Variants in FRMPD4 observed in about 807,000 individuals in gnomAD.
The protein encoded by FRMPD4 is FERM and PDZ domain containing 4, also known as FERM and PDZ domain-containing protein 4.
In FRMPD4, 22 loss-of-function variants were observed where a neutral mutation model predicts 94.1. The observed-to-expected ratio is 0.23, with a 90% CI of 0.17 to 0.33. FRMPD4 has a LOEUF of 0.33. Ranked by LOEUF, FRMPD4 falls within the 10% of genes least tolerant of loss-of-function variation. The pLI is 1.00. For synonymous variants in FRMPD4, 631 were observed against 548.6 expected (o/e 1.15, Z -2.10); for missense variants, 1,111 against 1,339.9 (o/e 0.83, Z 2.67).
Position 12,718,387 on chromosome X carries a change from G to C in FRMPD4, c.3561G>C (p.Val1187=), listed in dbSNP as rs1456628864. The change falls in exon 16 of 17, where the codon GTG becomes GTC. Residue 1187 remains valine, a synonymous_variant. Transcript: ENST00000675598. The stretch of plus-strand genomic sequence containing the variant: ...AGCTTCCTGAGGCTGATGAGAGTGT[G>C]GCCCGCCTTTGTGACTACCACTTGG... The part of the protein sequence containing the change: ...PSKLPEADES[V]ARLCDYHLAK... 1 of 1,211,883 alleles carries C rather than the reference G, an allele frequency of 8.3e-7. No homozygotes were observed.
intron 1 of FRMPD4, among the ~76,000 whole-genome samples, chrX:12,361,178 T>A: frequency 8.9e-6 from 1 of 112,207 alleles, no homozygotes. Context: ...ACTGGTTATT[T>A]CTTGAACTAT....
rs1209278069 is a variant in FRMPD4 at position 12,236,251 on chromosome X, A to G, written c.41+97239A>G. On this transcript the variant is annotated intron_variant, in intron 1 of 16. Coordinates refer to ENST00000675598, the MANE Select transcript of FRMPD4 (RefSeq NM_001368397.1). ...CCATATCTGTAAAATCAGCATTATC[A>G]AACCATACAGTGTTATCTGAGACTC... 4.5e-5 allele frequency among the ~76,000 whole-genome samples: 5 copies of G among 112,106 alleles called. 1 individual carries two copies. Among genetic ancestry groups the G allele is most frequent in the Admixed American group, 1.9e-4 (2 of 10,554 alleles).
intron 3 of FRMPD4, among the ~76,000 whole-genome samples, chrX:12,028,040 A>T (rs986865230): frequency 1.8e-5 from 2 of 112,144 alleles, no homozygotes; most frequent in Admixed American, 9.5e-5. Context: ...GGCTTAAAAA[A>T]CATGCAGTTT....
At chrX:12,004,575 A>G (rs1053754526) in intron 3 of FRMPD4, among the ~76,000 whole-genome samples, 25 of 111,687 alleles carry the variant, frequency 2.2e-4, no homozygotes, top group African/African-American at 7.8e-4. Context: ...TAAAAATAGG[A>G]ACAAATTGGA....
At chrX:12,324,392 T>C (rs954750378) in intron 1 of FRMPD4, among the ~76,000 whole-genome samples, 6 of 112,579 alleles carry the variant, frequency 5.3e-5, no homozygotes. Context: ...CTTTACCTAA[T>C]TCTTTGTTCA....
chrX:11,958,691 ACCAC>A (rs775482672), intron 3 of FRMPD4, among the ~76,000 whole-genome samples: 98 of 112,005 alleles, frequency 8.7e-4, no homozygotes, highest in African/African-American at 3.1e-3. Context: ...CAAACCAATG[ACCAC>A]CTCTAAATTT....
intron 1 of FRMPD4, among the ~76,000 whole-genome samples, chrX:12,220,152 GCAA>G (rs3063515): frequency 5.8e-4 from 62 of 106,526 alleles, no homozygotes; most frequent in East Asian, 3.0e-3. Context: ...AACAACAACA[GCAA>G]CAACAACAAC....
chrX:12,421,039 A>G (rs2056876380), intron 1 of FRMPD4, among the ~76,000 whole-genome samples: 2 of 112,381 alleles, frequency 1.8e-5, no homozygotes, highest in Admixed American at 9.4e-5. Flanking sequence ...TATAGCATTT[A>G]TAGGTGTTCG....
intron 1 of FRMPD4, among the ~76,000 whole-genome samples, chrX:12,449,777 C>T (rs1305732515): frequency 1.8e-5 from 2 of 110,892 alleles, no homozygotes; most frequent in Non-Finnish European, 3.8e-5. Flanking sequence ...CACTTGAGCC[C>T]AGGAGTTTGA....
chrX:12,174,600 C>G (rs1211053588), intron 1 of FRMPD4, among the ~76,000 whole-genome samples: 2 of 112,080 alleles, frequency 1.8e-5, no homozygotes, highest in African/African-American at 6.5e-5. Context: ...TTGTGCTACT[C>G]TAGCAAACCA....
At chrX:12,539,001 G>C (rs963380331) in intron 2 of FRMPD4, among the ~76,000 whole-genome samples, 1 of 111,853 alleles carries the variant, frequency 8.9e-6, no homozygotes, top group African/African-American at 3.2e-5. Flanking sequence ...GCTAAAGGAG[G>C]AAGTTCAAAC....
At position 12,095,369 on chromosome X, in the gene FRMPD4, C is replaced by G. The variant is rs1182215776; in HGVS notation, c.95+217351C>G. On this transcript the variant is annotated intron_variant, in intron 3 of 18. Coordinates refer to the FRMPD4 transcript ENST00000640291. The stretch of plus-strand genomic sequence containing the variant: ...CTCCAGCCTGGGTGAGAGTAAGACT[C>G]TCTGTCTCAAAAAAAAAAAAAAAAT... 2.3e-4 allele frequency among the ~76,000 whole-genome samples: 22 copies of G among 97,455 alleles called. 1 individual carries two copies. The highest frequency in any genetic ancestry group is 1.8e-4 in the Non-Finnish European group (9 of 49,833). The allele number at this position is 97,455 out of a possible 115,157, so 84.6% of individuals were successfully genotyped here.
intron 3 of FRMPD4, among the ~76,000 whole-genome samples, chrX:12,010,146 C>T (rs868797033): frequency 1.8e-4 from 20 of 111,421 alleles, no homozygotes; most frequent in Non-Finnish European, 2.8e-4. Context: ...AGTTTTTTAC[C>T]TCCTGAGTAG....
chrX:12,422,953 A>C (rs1291690697), intron 1 of FRMPD4, among the ~76,000 whole-genome samples: 1 of 111,261 alleles, frequency 9.0e-6, no homozygotes, highest in African/African-American at 3.3e-5. Flanking sequence ...AGTAGACCGC[A>C]TATGTCATGT....
At chrX:12,224,455 G>T (rs769667167) in intron 1 of FRMPD4, among the ~76,000 whole-genome samples, 1 of 110,748 alleles carries the variant, frequency 9.0e-6, no homozygotes, top group Admixed American at 9.6e-5. Context: ...TTGCCATGTT[G>T]CCCAGCCTGG....
chrX:11,970,088 T>C (rs376909431), intron 3 of FRMPD4, among the ~76,000 whole-genome samples: 1 of 111,828 alleles, frequency 8.9e-6, no homozygotes, highest in South Asian at 3.8e-4. Flanking sequence ...TTATGATGCC[T>C]ATTGGCACCA....
At chrX:12,583,135 C>T (rs763159449) in intron 2 of FRMPD4, among the ~76,000 whole-genome samples, 3 of 112,458 alleles carry the variant, frequency 2.7e-5, no homozygotes, top group Non-Finnish European at 5.6e-5. Context: ...GCCACCACCT[C>T]TATTACTAAT....
intron 1 of FRMPD4, among the ~76,000 whole-genome samples, chrX:12,452,023 T>G (rs1480734750): frequency 3.6e-5 from 4 of 110,651 alleles, no homozygotes; most frequent in African/African-American, 1.3e-4. Flanking sequence ...TGTATAATTA[T>G]CTCAGTAGAA....
Position 12,206,422 on chromosome X carries a change from C to A in FRMPD4, c.41+67410C>A, listed in dbSNP as rs144486618. On this transcript the variant is annotated intron_variant, in intron 1 of 16. Coordinates refer to ENST00000675598, the MANE Select transcript of FRMPD4 (RefSeq NM_001368397.1). ...TCCCAAGTCATGAGGCAGAGCCAAC[C>A]CTACTGTAGAATCTAAAGATGACAC... Among the ~76,000 whole-genome samples the A allele has an allele frequency of 3.0e-3, 332 of 111,676 alleles. 2 individuals carry two copies. Among genetic ancestry groups the A allele is most frequent in the African/African-American group, 0.01 (322 of 30,788 alleles).
Sources: allele counts gnomAD v4.1 joint callset (sites outside exome capture counted in the v4.1 genomes callset), GRCh38; gene constraint gnomAD v4.1.1; transcripts MANE v1.5; gene names NCBI Gene and HGNC (gene_info 2026-07-23, HGNC 2026-07-21).